The following ROBO2 variants were observed in gnomAD, a reference collection of about 807,000 sequenced individuals.
ROBO2 encodes roundabout homolog 2.
A neutral mutation model predicts 160.8 loss-of-function variants in ROBO2; 53 were observed. The observed-to-expected ratio is 0.33, with a 90% CI of 0.26 to 0.41. The LOEUF (loss-of-function observed/expected upper bound fraction) is 0.41, where lower values mean the gene tolerates loss of function less well. ROBO2 is among the 10% of genes least tolerant of loss of function. The pLI, the probability that ROBO2 is intolerant of heterozygous loss-of-function variation, is 1.00. For missense variants in ROBO2, 1,577 were observed against 1,722.4 expected (o/e 0.92, Z 1.49); for synonymous variants, 664 against 611.7 (o/e 1.09, Z -1.26).
chr3:76,167,644 G>C (rs1315873013), intron 2 of ROBO2, among the ~76,000 whole-genome samples: 1 of 152,018 alleles, frequency 6.6e-6, no homozygotes, highest in African/African-American at 2.4e-5. Context: ...TTATAAGTTA[G>C]CACCTATTTG....
chr3:77,236,282 A>T (rs997886171), intron 2 of ROBO2, among the ~76,000 whole-genome samples: 1 of 152,206 alleles, frequency 6.6e-6, no homozygotes, highest in Non-Finnish European at 1.5e-5. Context: ...CCATGATAAG[A>T]TAAGAGTTGT....
chr3:76,442,168 G>A (rs1210006539), intron 2 of ROBO2, among the ~76,000 whole-genome samples: 1 of 152,188 alleles, frequency 6.6e-6, no homozygotes, highest in African/African-American at 2.4e-5. Flanking sequence ...AGGAGGCCTA[G>A]AGAATACCTC....
At chr3:77,443,188 A>G (rs975997530) in intron 2 of ROBO2, among the ~76,000 whole-genome samples, 1 of 152,228 alleles carries the variant, frequency 6.6e-6, no homozygotes, top group Non-Finnish European at 1.5e-5. Flanking sequence ...AATTGCTTTT[A>G]ATAATACTTG....
chr3:76,962,691 C>G (rs536170237), intron 2 of ROBO2, among the ~76,000 whole-genome samples: 1 of 150,206 alleles, frequency 6.7e-6, no homozygotes, highest in African/African-American at 2.5e-5. Flanking sequence ...CCTGTGGTAC[C>G]AACTCTTCAG....
chr3:77,293,049 A>G (rs2061509568), intron 2 of ROBO2, among the ~76,000 whole-genome samples: 1 of 150,832 alleles, frequency 6.6e-6, no homozygotes, highest in Non-Finnish European at 1.5e-5. Flanking sequence ...TGATGGTTAA[A>G]TGGGTAAGCT....
At chr3:76,836,674 T>A (rs930652490) in intron 2 of ROBO2, among the ~76,000 whole-genome samples, 7 of 151,858 alleles carry the variant, frequency 4.6e-5, no homozygotes, top group Admixed American at 4.6e-4. Flanking sequence ...TTTTCAAATA[T>A]TTGGGAATTT....
chr3:75,983,331 T>A (rs138165677), intron 2 of ROBO2, among the ~76,000 whole-genome samples: 41 of 151,584 alleles, frequency 2.7e-4, no homozygotes, highest in African/African-American at 8.7e-4. Flanking sequence ...TAGTTGGCAG[T>A]GTACTGAAAG....
At chr3:76,840,067 T>C (rs1241897055) in intron 2 of ROBO2, among the ~76,000 whole-genome samples, 1 of 152,158 alleles carries the variant, frequency 6.6e-6, no homozygotes, top group African/African-American at 2.4e-5. Flanking sequence ...TCTTATTTTA[T>C]TTAGTCTGCC....
intron 2 of ROBO2, among the ~76,000 whole-genome samples, chr3:76,029,616 G>A (rs891933586): frequency 4.6e-5 from 7 of 152,058 alleles, no homozygotes; most frequent in African/African-American, 1.7e-4. Flanking sequence ...AACATGTGGT[G>A]TTTGGTTTTC....
intron 2 of ROBO2, among the ~76,000 whole-genome samples, chr3:76,550,707 C>T (rs1213061366): frequency 2.0e-5 from 3 of 152,218 alleles, no homozygotes; most frequent in Admixed American, 1.3e-4. Context: ...GGCCTCTCCC[C>T]GCACCCAGTG....
At position 76,063,765 on chromosome 3, in the gene ROBO2, C is replaced by A. The variant is rs554682787; in HGVS notation, c.109+126163C>A. On this transcript the variant is annotated intron_variant, in intron 2 of 26. Coordinates refer to the ROBO2 transcript ENST00000487694. ...ATGGCAGAGTAAAATCTCTGTACAT[C>A]TGTTTTGTCTCCTGAGTACATGTGC... Among the ~76,000 whole-genome samples the A allele has an allele frequency of 2.0e-5, 3 of 152,274 alleles. No homozygotes were observed. The East Asian group carries it at 5.8e-4, about 29-fold the overall frequency.
chr3:77,078,743 C>T (rs2068291343), intron 1 of ROBO2, among the ~76,000 whole-genome samples: 1 of 152,100 alleles, frequency 6.6e-6, no homozygotes, highest in African/African-American at 2.4e-5. Flanking sequence ...GTGTCACTGG[C>T]TGTCTTAGGG....
chr3:76,212,023 C>A (rs1480797579), intron 2 of ROBO2, among the ~76,000 whole-genome samples: 1 of 151,782 alleles, frequency 6.6e-6, no homozygotes, highest in African/African-American at 2.4e-5. Context: ...TCTAGAAATA[C>A]ATTTATGCAT....
intron 2 of ROBO2, among the ~76,000 whole-genome samples, chr3:76,545,464 G>A (rs569942097): frequency 1.3e-5 from 2 of 152,012 alleles, no homozygotes; most frequent in South Asian, 4.2e-4. Flanking sequence ...CTTAAGATAA[G>A]GCTTACAAGT....
chr3:75,937,828 G>A (rs1947854711), intron 2 of ROBO2, among the ~76,000 whole-genome samples: 1 of 96,348 alleles, frequency 1.0e-5, no homozygotes, highest in South Asian at 3.5e-4. Flanking sequence ...GCTTTTATCT[G>A]TTGGAATTGA....
intron 2 of ROBO2, among the ~76,000 whole-genome samples, chr3:76,130,880 T>A (rs2071197555): frequency 6.6e-6 from 1 of 152,162 alleles, no homozygotes; most frequent in African/African-American, 2.4e-5. Context: ...TATACCTCTT[T>A]AAACCCATTC....
intron 2 of ROBO2, among the ~76,000 whole-genome samples, chr3:76,621,770 A>T (rs532279618): frequency 6.6e-6 from 1 of 152,342 alleles, no homozygotes; most frequent in African/African-American, 2.4e-5. Flanking sequence ...TTTAAAAATA[A>T]AATTATTTTA....
At chr3:76,096,245 A>T (rs1296021389) in intron 2 of ROBO2, among the ~76,000 whole-genome samples, 1 of 152,176 alleles carries the variant, frequency 6.6e-6, no homozygotes, top group Non-Finnish European at 1.5e-5. Flanking sequence ...TCTGACCTAC[A>T]TTCTCATGCT....
At chr3:76,107,401 C>G (rs561815881) in intron 2 of ROBO2, among the ~76,000 whole-genome samples, 1 of 152,062 alleles carries the variant, frequency 6.6e-6, no homozygotes, top group Non-Finnish European at 1.5e-5. Flanking sequence ...CCATATTATT[C>G]AAAATATACT....
Sources: gnomAD v4.1 joint callset for allele counts (sites outside exome capture counted in the v4.1 genomes callset) on GRCh38, gnomAD v4.1.1 for gene constraint, MANE v1.5 for transcripts, NCBI Gene and HGNC (gene_info 2026-07-23, HGNC 2026-07-21) for gene names.